Variants in WDPCP observed in about 807,000 individuals in gnomAD.
WDPCP encodes the protein WD repeat-containing and planar cell polarity effector protein fritz homolog.
In WDPCP, 71 loss-of-function variants were observed where a neutral mutation model predicts 93.1. The ratio of observed to expected loss-of-function variants is 0.76; its 90% confidence interval spans 0.63 to 0.93. The LOEUF is 0.93. Among genes scored for constraint, WDPCP ranks in the 40% least tolerant of loss-of-function variants. WDPCP has a pLI of 0.00. For missense variants in WDPCP, 844 were observed against 887.4 expected, an observed-to-expected ratio of 0.95 and a Z score of 0.62; for synonymous variants, 315 against 315.0, an observed-to-expected ratio of 1.00 and a Z score of 0.00.
chr2:63,575,764 C>T (rs1708074265), intron 1 of WDPCP, among the ~76,000 whole-genome samples: 1 of 151,352 alleles, frequency 6.6e-6, no homozygotes, highest in South Asian at 2.1e-4. Flanking sequence ...CATATACAAA[C>T]ACATGTGTGC....
At chr2:63,751,597 T>C in intron 2 of WDPCP, 1 of 462,990 alleles carries the variant, frequency 2.2e-6, no homozygotes. Context: ...GCCACCACTG[T>C]GCTTGGTTGA....
chr2:63,299,783 T>C (rs1685186033), intron 13 of WDPCP, among the ~76,000 whole-genome samples: 1 of 152,142 alleles, frequency 6.6e-6, no homozygotes, highest in African/African-American at 2.4e-5. Context: ...AGAAATCCCT[T>C]AGGCAGATAG....
intron 9 of WDPCP, among the ~76,000 whole-genome samples, chr2:63,424,280 G>A (rs116311571): frequency 3.0e-3 from 449 of 151,464 alleles, no homozygotes; most frequent in African/African-American, 0.01. Context: ...GGGGGTGTGC[G>A]TCAGCCCTTG....
chr2:63,169,492 T>A (rs1364230081), intron 15 of WDPCP, among the ~76,000 whole-genome samples: 1 of 152,198 alleles, frequency 6.6e-6, no homozygotes, highest in Admixed American at 6.5e-5. Flanking sequence ...ATTAGAACAA[T>A]CAGCTCCAAG....
At chr2:63,208,312 G>A (rs980487906) in intron 14 of WDPCP, among the ~76,000 whole-genome samples, 1 of 152,074 alleles carries the variant, frequency 6.6e-6, no homozygotes, top group African/African-American at 2.4e-5. Context: ...TGCCTTTTCT[G>A]TACCTTTAAG....
At chr2:63,218,669 A>G (rs1677555791) in intron 14 of WDPCP, among the ~76,000 whole-genome samples, 1 of 150,224 alleles carries the variant, frequency 6.7e-6, no homozygotes, top group South Asian at 2.1e-4. Context: ...AGCTGGGACT[A>G]AAGGCGTGCG....
chr2:63,439,057 C>T (rs1017453190), intron 7 of WDPCP, among the ~76,000 whole-genome samples: 1 of 152,058 alleles, frequency 6.6e-6, no homozygotes, highest in Admixed American at 6.6e-5. Flanking sequence ...AGCTCAGCTT[C>T]GTTTCCTTAT....
At chr2:63,407,418 T>C (rs1163769000) in intron 9 of WDPCP, among the ~76,000 whole-genome samples, 1 of 152,230 alleles carries the variant, frequency 6.6e-6, no homozygotes, top group East Asian at 1.9e-4. Context: ...TGAGAGGCTG[T>C]AAGTTCTGAA....
rs145900343 is a variant in WDPCP, at chr2:63,374,778, C to T, written c.1748+3608G>A. 2.3e-3 allele frequency among the ~76,000 whole-genome samples: 351 copies of T among 152,168 alleles called. 1 individual carries two copies. The highest frequency in any genetic ancestry group is 0.01 in the Middle Eastern group (3 of 294). ...AGAGCAAAGTTAAAAGATTATCTAC[C>T]ACATGTATTCTGACTTTATCGTTTT... On this transcript the variant is annotated intron_variant, in intron 12 of 17. Coordinates refer to ENST00000272321, the MANE Select transcript of WDPCP (RefSeq NM_015910.7).
chr2:63,787,772 G>A (rs970342643), intron 2 of WDPCP, among the ~76,000 whole-genome samples: 2 of 152,118 alleles, frequency 1.3e-5, no homozygotes, highest in Admixed American at 6.5e-5. Flanking sequence ...AGGCACAGTA[G>A]CTCATGTCTC....
At chr2:63,745,318 G>A (rs1669778812) in intron 2 of WDPCP, among the ~76,000 whole-genome samples, 1 of 152,116 alleles carries the variant, frequency 6.6e-6, no homozygotes, top group Admixed American at 6.5e-5. Context: ...GAATGGCAAT[G>A]TTTTAATATC....
rs1389803776 is a variant in WDPCP at position 63,153,610 on chromosome 2, T to C, written c.2079-36A>G. ...TGGGTGTTTTTAATTGGAAAAAGGATTAAAAAAGAAAATTTTAAGGTTAGG... is the reference window on the plus strand; with the variant it reads ...TGGGTGTTTTTAATTGGAAAAAGGACTAAAAAAGAAAATTTTAAGGTTAGG... On this transcript the variant is annotated intron_variant, in intron 15 of 17. Coordinates refer to ENST00000272321, the MANE Select transcript of WDPCP (RefSeq NM_015910.7). The C allele has an allele frequency of 2.0e-6, 3 of 1,517,160 alleles. No homozygotes were observed. The African/African-American group carries it at 4.1e-5, about 21-fold the overall frequency. 94.0% of individuals were successfully genotyped at this position (1,517,160 alleles called of 1,614,324 possible).
chr2:63,574,213 G>A (rs927320746), intron 1 of WDPCP, among the ~76,000 whole-genome samples: 2 of 152,068 alleles, frequency 1.3e-5, no homozygotes, highest in Non-Finnish European at 2.9e-5. Flanking sequence ...ATAAAAACCT[G>A]CTGGTTTTAC....
chr2:63,144,854 T>G (rs1671367647), intron 17 of WDPCP, among the ~76,000 whole-genome samples: 1 of 152,100 alleles, frequency 6.6e-6, no homozygotes, highest in Non-Finnish European at 1.5e-5. Flanking sequence ...TTACCAGGGT[T>G]TGTTTTCTGG....
At chr2:63,263,555 A>C (rs1237672342) in intron 13 of WDPCP, among the ~76,000 whole-genome samples, 2 of 152,322 alleles carry the variant, frequency 1.3e-5, no homozygotes, top group Non-Finnish European at 1.5e-5. Context: ...CCCAGCCTCT[A>C]GAGCTGTTAA....
At chr2:63,126,513 T>C (rs948048663) in intron 17 of WDPCP, among the ~76,000 whole-genome samples, 2 of 152,174 alleles carry the variant, frequency 1.3e-5, no homozygotes, top group Non-Finnish European at 2.9e-5. Context: ...TTGCTTATAA[T>C]ACTGCATTCT....
At chr2:63,634,940 G>C (rs540704714) in intron 3 of WDPCP, among the ~76,000 whole-genome samples, 87 of 152,024 alleles carry the variant, frequency 5.7e-4, no homozygotes, top group Non-Finnish European at 1.1e-3. Flanking sequence ...ATGGTACTAA[G>C]AGCTGGTTTC....
At position 63,417,460 on chromosome 2, in the gene WDPCP, T is replaced by C. The variant is rs576248770; in HGVS notation, c.826-12803A>G. 7.9e-5 allele frequency among the ~76,000 whole-genome samples: 12 copies of C among 152,086 alleles called. No homozygotes were observed. The South Asian group carries it at 2.5e-3, about 32-fold the overall frequency. The stretch of plus-strand genomic sequence containing the variant: ...ATTTATTTTTATTCATACTTAACAA[T>C]GTGATTTTTAAAGATAACCAATATT... On this transcript the variant is annotated intron_variant, in intron 9 of 17. Transcript: ENST00000272321.
chr2:63,722,378 G>T (rs1286615746), intron 2 of WDPCP, among the ~76,000 whole-genome samples: 1 of 140,988 alleles, frequency 7.1e-6, no homozygotes, highest in Admixed American at 7.0e-5. Context: ...CCTCTGCCCC[G>T]CCGCCCCGTC....
Sources: allele counts gnomAD v4.1 joint callset (sites outside exome capture counted in the v4.1 genomes callset), GRCh38; gene constraint gnomAD v4.1.1; transcripts MANE v1.5; gene names NCBI Gene and HGNC (gene_info 2026-07-23, HGNC 2026-07-21).